MAN2A1: variants seen among roughly 807,000 people sequenced by gnomAD.
MAN2A1 encodes mannosidase alpha class 2A member 1, also known as alpha-mannosidase 2.
A neutral mutation model predicts 142.6 loss-of-function variants in MAN2A1; 76 were observed. That is an observed-to-expected ratio of 0.53 (90% CI 0.44 to 0.65). The LOEUF is 0.65. MAN2A1 is among the 30% of genes least tolerant of loss of function. The pLI is 0.00. For missense variants in MAN2A1, 1,311 were observed against 1,365.1 expected (o/e 0.96, Z 0.62); for synonymous variants, 559 against 473.2 (o/e 1.18, Z -2.35).
At chr5:109,852,278 C>A (rs1243717022) in intron 19 of MAN2A1, among the ~76,000 whole-genome samples, 1 of 152,066 alleles carries the variant, frequency 6.6e-6, no homozygotes, top group Non-Finnish European at 1.5e-5. Flanking sequence ...ATTTTCTCTC[C>A]TCCTTCCTCT....
At chr5:109,755,061 T>G (rs534806579) in intron 4 of MAN2A1, among the ~76,000 whole-genome samples, 14 of 152,256 alleles carry the variant, frequency 9.2e-5, no homozygotes, top group African/African-American at 3.4e-4. Context: ...TCTTTGAGGC[T>G]GTATGGGAGT....
chr5:109,712,238 A>G (rs1450779011), intron 1 of MAN2A1, among the ~76,000 whole-genome samples: 4 of 152,034 alleles, frequency 2.6e-5, no homozygotes, highest in African/African-American at 9.7e-5. Context: ...GAACTGACCA[A>G]TAACCTGTGA....
At chr5:109,788,388 A>T (rs960846004) in intron 10 of MAN2A1, among the ~76,000 whole-genome samples, 1 of 151,834 alleles carries the variant, frequency 6.6e-6, no homozygotes, top group Admixed American at 6.6e-5. Context: ...TTTAACAGGG[A>T]TAAAGACAAT....
At chr5:109,717,088 AG>A (rs1417781012) in intron 3 of MAN2A1, among the ~76,000 whole-genome samples, 1 of 150,678 alleles carries the variant, frequency 6.6e-6, no homozygotes, top group East Asian at 1.9e-4. Context: ...GGGATTGGAG[AG>A]GGGGGTGTAT....
At chr5:109,777,404 T>C (rs968898391) in intron 8 of MAN2A1, among the ~76,000 whole-genome samples, 1 of 152,096 alleles carries the variant, frequency 6.6e-6, no homozygotes, top group African/African-American at 2.4e-5. Flanking sequence ...GATGATTTTT[T>C]AATTAAATTG....
intron 8 of MAN2A1, among the ~76,000 whole-genome samples, chr5:109,778,310 G>C (rs1228297027): frequency 6.6e-6 from 1 of 151,938 alleles, no homozygotes; most frequent in Non-Finnish European, 1.5e-5. Flanking sequence ...CTATATATGA[G>C]TAATGGCATA....
intron 4 of MAN2A1, among the ~76,000 whole-genome samples, chr5:109,754,886 G>T (rs1464528716): frequency 6.6e-6 from 1 of 152,148 alleles, no homozygotes; most frequent in African/African-American, 2.4e-5. Flanking sequence ...CTGTAATCCC[G>T]GTTACTCGGG....
chr5:109,827,503 C>G lies in MAN2A1; in HGVS notation c.2566+3666C>G, dbSNP rs148950750. 4.6e-5 allele frequency among the ~76,000 whole-genome samples: 7 copies of G among 152,246 alleles called. No individual in the cohort carries two copies. The East Asian group carries it at 1.4e-3, about 29-fold the overall frequency. ...AGCAACATTTCCAAAATTATATAAA[C>G]TTTTTGGTCCTTAATGATTTTGAAA... On this transcript the variant is annotated intron_variant, in intron 16 of 21. Transcript: ENST00000261483.
intron 16 of MAN2A1, among the ~76,000 whole-genome samples, chr5:109,836,405 C>T (rs1437693816): frequency 6.6e-6 from 1 of 151,472 alleles, no homozygotes; most frequent in Admixed American, 6.6e-5. Flanking sequence ...CATGAGCCAC[C>T]GCACCGGCAT....
intron 3 of MAN2A1, among the ~76,000 whole-genome samples, chr5:109,724,314 G>A (rs921030700): frequency 6.6e-6 from 1 of 152,120 alleles, no homozygotes; most frequent in Non-Finnish European, 1.5e-5. Context: ...AAAACTACCT[G>A]TTGGGCACTG....
At position 109,847,662 on chromosome 5, in the gene MAN2A1, A is replaced by G. The variant is rs755128399; in HGVS notation, c.2848A>G (p.Ile950Val). The G allele has an allele frequency of 1.9e-6, 3 of 1,545,950 alleles. 1 individual carries two copies. The Middle Eastern group carries it at 5.1e-4, about 262-fold the overall frequency. Residue 950 changes from isoleucine (I) to valine (V), a missense_variant, in exon 19 of 22, where the codon ATT becomes GTT. Around this residue, in one of 3 missense-constraint regions of MAN2A1, gnomAD observed 890 missense variants for 920.5 expected, o/e 0.97. Coordinates refer to ENST00000261483, the MANE Select transcript of MAN2A1 (RefSeq NM_002372.4). ...TTTGTTTGTTTGTGTGTTAGGTCAG[A>G]TTGAAGTTATCATGGATCGAAGACT... ...LGVSSLNSGQ[I>V]EVIMDRRLMQ...
intron 8 of MAN2A1, among the ~76,000 whole-genome samples, chr5:109,779,981 C>T (rs1753407918): frequency 6.6e-6 from 1 of 151,986 alleles, no homozygotes; most frequent in Non-Finnish European, 1.5e-5. Context: ...TGTAAATGTT[C>T]CAGTCGCAAT....
At chr5:109,690,724 C>T (rs1750643589) in intron 1 of MAN2A1, among the ~76,000 whole-genome samples, 172 bp downstream of exon 1, 1 of 152,174 alleles carries the variant, frequency 6.6e-6, no homozygotes, top group African/African-American at 2.4e-5. Context: ...AGCCACCTCG[C>T]CCGGGCGCGC....
chr5:109,809,397 T>C (rs928119155), intron 12 of MAN2A1, among the ~76,000 whole-genome samples: 2 of 152,258 alleles, frequency 1.3e-5, no homozygotes, highest in African/African-American at 4.8e-5. Flanking sequence ...GATATTATTT[T>C]CTTTCTGCCT....
chr5:109,778,291 A>T (rs1285251556), intron 8 of MAN2A1, among the ~76,000 whole-genome samples: 1 of 151,982 alleles, frequency 6.6e-6, no homozygotes, highest in African/African-American at 2.4e-5. Flanking sequence ...TGGATTCTTT[A>T]TGGATTTCCT....
chr5:109,781,575 C>T lies in MAN2A1; in HGVS notation c.1554C>T (p.Asp518=). 6.2e-7 allele frequency: 1 copy of T among 1,605,632 alleles called. No homozygotes were observed. The highest frequency in any genetic ancestry group is 2.2e-5 in the East Asian group (1 of 44,686). The change falls in exon 9 of 22, where the codon GAC becomes GAT. Residue 518 remains aspartate, a synonymous_variant. Coordinates refer to ENST00000261483, the MANE Select transcript of MAN2A1 (RefSeq NM_002372.4). Reference sequence around the variant, plus strand: ...CCAGACCCTTTTACAAACGAATGGACAGAATCATGGAATCTCATTTAAGGT... The same window carrying T: ...CCAGACCCTTTTACAAACGAATGGATAGAATCATGGAATCTCATTTAAGGT... ...FTSRPFYKRM[D]RIMESHLRAA... is the part of the protein sequence containing the mutation.
At chr5:109,739,578 T>C (rs554415295) in intron 4 of MAN2A1, among the ~76,000 whole-genome samples, 2 of 152,344 alleles carry the variant, frequency 1.3e-5, no homozygotes, top group South Asian at 4.1e-4. Context: ...ACTTCTGTGC[T>C]TTTTGTATTG....
chr5:109,841,426 T>G (rs188174467), intron 16 of MAN2A1, among the ~76,000 whole-genome samples: 2 of 152,340 alleles, frequency 1.3e-5, no homozygotes, highest in African/African-American at 4.8e-5. Flanking sequence ...TTACTTCACT[T>G]AGAATAATAG....
intron 16 of MAN2A1, among the ~76,000 whole-genome samples, chr5:109,824,285 C>G (rs78374743): frequency 0.019 from 2,836 of 152,302 alleles, 35 homozygotes; most frequent in Middle Eastern, 0.071. Flanking sequence ...GTTTACAGCT[C>G]TTTACCCAGT....
Sources: gnomAD v4.1 joint callset for allele counts (sites outside exome capture counted in the v4.1 genomes callset) on GRCh38, gnomAD v4.1.1 for gene constraint, gnomAD v4.1.1 regional missense constraint, MANE v1.5 for transcripts, NCBI Gene and HGNC (gene_info 2026-07-23, HGNC 2026-07-21) for gene names.